Variants in FAT3 observed in about 807,000 individuals in gnomAD.
FAT3 encodes the protein FAT atypical cadherin 3.
FAT3 carries 95 observed loss-of-function variants against 310.2 expected under a neutral mutation model. The observed-to-expected ratio is 0.31, with a 90% CI of 0.26 to 0.36. The LOEUF (loss-of-function observed/expected upper bound fraction) is 0.36, where lower values mean the gene tolerates loss of function less well. FAT3 is among the 10% of genes least tolerant of loss of function. The probability of loss-of-function intolerance (pLI) is 1.00; values close to 1 mark genes in which losing one functional copy is unlikely to be tolerated. For synonymous variants in FAT3, 2,314 were observed against 2,192.9 expected (o/e 1.06, Z -1.54); for missense variants, 5,408 against 5,715.6 (o/e 0.95, Z 1.74).
chr11:92,373,862 G>T (rs1265478197), intron 2 of FAT3, among the ~76,000 whole-genome samples: 1 of 151,700 alleles, frequency 6.6e-6, no homozygotes. Context: ...TAATTAGGGG[G>T]ATTGGCTCAT....
chr11:92,363,694 C>T (rs1313114577), intron 2 of FAT3, among the ~76,000 whole-genome samples: 1 of 152,092 alleles, frequency 6.6e-6, no homozygotes, highest in East Asian at 1.9e-4. Context: ...GCATTTTGGC[C>T]CAGGCTTGCC....
At chr11:92,821,907 G>A (rs1405500816) in intron 13 of FAT3, among the ~76,000 whole-genome samples, 1 of 152,124 alleles carries the variant, frequency 6.6e-6, no homozygotes, top group Non-Finnish European at 1.5e-5. Context: ...CGATTTCTGT[G>A]TCAGAATCCT....
intron 3 of FAT3, among the ~76,000 whole-genome samples, chr11:92,675,469 G>T (rs1291718693): frequency 6.6e-6 from 1 of 152,214 alleles, no homozygotes; most frequent in Non-Finnish European, 1.5e-5. Context: ...GGGCAGATGT[G>T]TTATAGCTGA....
chr11:92,866,929 G>C lies in FAT3; in HGVS notation c.11847G>C (p.Thr3949=), dbSNP rs746259435. ...GCCGGGCGCCCCTCTACTTCCAGAC[G>C]CTGAGCACTGAGAGTAGCATCTACT... The part of the protein sequence containing the change: ...ERRRAPLYFQ[T]LSTESSIYFG... The change falls in exon 22 of 28, where the codon ACG becomes ACC. Residue 3949 remains threonine, a synonymous_variant. Transcript: ENST00000525166. 1 of 1,613,838 alleles carries C rather than the reference G, an allele frequency of 6.2e-7. No individual in the cohort carries two copies. Among genetic ancestry groups the C allele is most frequent in the South Asian group, 1.1e-5 (1 of 91,058 alleles).
intron 1 of FAT3, among the ~76,000 whole-genome samples, chr11:92,278,794 C>T (rs982735333): frequency 8.6e-5 from 13 of 152,024 alleles, no homozygotes; most frequent in African/African-American, 2.2e-4. Context: ...TCATTAGTAG[C>T]GATTAGTAAA....
intron 1 of FAT3, among the ~76,000 whole-genome samples, chr11:92,243,399 G>C (rs1864747525): frequency 6.6e-6 from 1 of 151,778 alleles, no homozygotes; most frequent in Non-Finnish European, 1.5e-5. Flanking sequence ...GGGGCTTTTG[G>C]GAAAAGTTTT....
chr11:92,356,723 A>G (rs1030134101), intron 2 of FAT3, among the ~76,000 whole-genome samples: 3 of 152,144 alleles, frequency 2.0e-5, no homozygotes, highest in Admixed American at 6.5e-5. Flanking sequence ...AGGGCTTCAG[A>G]GTATGAATTT....
chr11:92,867,062 A>G lies in FAT3; in HGVS notation c.11980A>G (p.Asn3994Asp), dbSNP rs1369532342. ...CCTGGACTCGGTGATACTGAATAAC[A>G]ATGAGCTGCCGCTGCAGAACAAGCG... is the stretch of plus-strand genomic sequence containing the variant. ...GCLDSVILNNNELPLQNKRSS... is the reference protein window; with the variant it reads ...GCLDSVILNNDELPLQNKRSS... The change falls in exon 22 of 28, where the codon AAT (asparagine) becomes GAT (aspartate). Residue 3994 changes from asparagine to aspartate, a missense_variant. Physicochemically the swap from Asn to Asp is conservative, Grantham distance 23. This residue lies in a region of FAT3 where 4,588 missense variants were observed against 4,809.8 expected (regional missense o/e 0.95). Transcript: ENST00000525166. 3 of 1,589,756 alleles carry G rather than the reference A, an allele frequency of 1.9e-6. No homozygotes were observed. Among genetic ancestry groups the G allele is most frequent in the Non-Finnish European group, 2.6e-6 (3 of 1,168,412 alleles).
rs1244846858 is a variant in FAT3 at position 92,705,755 on chromosome 11, C to T, written c.3669+8310C>T. Among the ~76,000 whole-genome samples the T allele has an allele frequency of 1.5e-3, 5 of 3,368 alleles. No individual in the cohort carries two copies. The East Asian group carries it at 0.018, about 12-fold the overall frequency. 2.2% of individuals were successfully genotyped at this position (3,368 alleles called of 152,430 possible). On this transcript the variant is annotated intron_variant, in intron 4 of 27. Coordinates refer to ENST00000525166, the MANE Select transcript of FAT3 (RefSeq NM_001367949.2). The stretch of plus-strand genomic sequence containing the variant: ...GGTGTGATGGTGGTGGGTGATGGTG[C>T]TGTGATGGTGTGATGGTGGTGGTGA...
intron 4 of FAT3, among the ~76,000 whole-genome samples, chr11:92,708,715 T>C (rs1393340848): frequency 1.3e-5 from 2 of 152,236 alleles, no homozygotes; most frequent in South Asian, 2.1e-4. Flanking sequence ...TTTAATAAGA[T>C]AGCATCTATG....
At position 92,336,965 on chromosome 11, in the gene FAT3, G is replaced by A. The variant is rs887263981; in HGVS notation, c.-17-15131G>A. On this transcript the variant is annotated intron_variant, in intron 1 of 27. Coordinates refer to ENST00000525166, the MANE Select transcript of FAT3 (RefSeq NM_001367949.2). The stretch of plus-strand genomic sequence containing the variant: ...CTGGGGCTTGGACCCTCATTTTATC[G>A]TTGCCATCCGCCAGCCTGTGTGACA... Among the ~76,000 whole-genome samples the A allele has an allele frequency of 6.6e-5, 10 of 151,976 alleles. No individual in the cohort carries two copies. The South Asian group carries it at 1.5e-3, about 22-fold the overall frequency.
At chr11:92,672,154 G>A (rs892361818) in intron 3 of FAT3, among the ~76,000 whole-genome samples, 6 of 152,016 alleles carry the variant, frequency 3.9e-5, no homozygotes, top group South Asian at 2.1e-4. Flanking sequence ...TTTAAATAAC[G>A]AATGAATGTG....
chr11:92,792,071 T>C (rs1212394193), intron 8 of FAT3, among the ~76,000 whole-genome samples: 5 of 152,238 alleles, frequency 3.3e-5, no homozygotes, highest in Non-Finnish European at 7.3e-5. Flanking sequence ...CACACACTAC[T>C]ACCACCACCA....
chr11:92,760,295 G>T (rs1371256719), intron 4 of FAT3, among the ~76,000 whole-genome samples: 1 of 152,304 alleles, frequency 6.6e-6, no homozygotes, highest in African/African-American at 2.4e-5. Context: ...AACTAAACTA[G>T]ATTGCAATTC....
chr11:92,372,240 A>G (rs768102924), intron 2 of FAT3, among the ~76,000 whole-genome samples: 3 of 152,008 alleles, frequency 2.0e-5, no homozygotes, highest in African/African-American at 7.2e-5. Context: ...TCACATTACT[A>G]TCTGTCTTTT....
intron 13 of FAT3, among the ~76,000 whole-genome samples, chr11:92,812,349 G>A (rs561155820): frequency 3.9e-5 from 6 of 152,220 alleles, no homozygotes; most frequent in South Asian, 4.2e-4. Flanking sequence ...AAGAGAGGCC[G>A]AAGTGGGCGG....
rs1419619300 is a variant in FAT3, at chr11:92,892,775, A to T, written c.*1662A>T. On this transcript the variant is annotated 3_prime_UTR_variant, in exon 28 of 28. Coordinates refer to ENST00000525166, the MANE Select transcript of FAT3 (RefSeq NM_001367949.2). ...TTCCAGAACTTACCTCTGTTTTAAA[A>T]GTGTGTAATGTTTGATTACACCCTG... 1 of 152,230 alleles carries T rather than the reference A, an allele frequency of 6.6e-6. No individual in the cohort carries two copies. The highest frequency in any genetic ancestry group is 2.4e-5 in the African/African-American group (1 of 41,464). 9.4% of individuals were successfully genotyped at this position (152,230 alleles called of 1,614,324 possible).
chr11:92,889,869 C>A lies in FAT3; in HGVS notation c.13125C>A (p.Asp4375Glu). 1.4e-6 allele frequency: 1 copy of A among 718,028 alleles called. No individual in the cohort carries two copies. Among genetic ancestry groups the A allele is most frequent in the Non-Finnish European group, 2.6e-6 (1 of 385,220 alleles). 44.5% of individuals were successfully genotyped at this position (718,028 alleles called of 1,614,324 possible). A position where few individuals can be genotyped will look rare whatever the true frequency, so the allele number is the denominator to read the frequency against. ...DTIENEVSVM[D>E]QGQNYNRAYH... The stretch of plus-strand genomic sequence containing the variant: ...GTATTTAAACAGTGTCTGTCATGGA[C>A]CAAGGACAGAACTACAACCGAGGTG... The change falls in exon 27 of 28, where the codon GAC (aspartate) becomes GAA (glutamate). Residue 4375 changes from aspartate (D) to glutamate (E), a missense_variant. Asp to Glu is a conservative substitution (Grantham distance 45, BLOSUM62 2). Coordinates refer to ENST00000525166, the MANE Select transcript of FAT3 (RefSeq NM_001367949.2).
At chr11:92,541,766 G>T (rs564947151) in intron 3 of FAT3, among the ~76,000 whole-genome samples, 13 of 152,174 alleles carry the variant, frequency 8.5e-5, no homozygotes, top group African/African-American at 2.4e-4. Context: ...ATTTTAATGC[G>T]ATTTGATATG....
Sources: allele counts gnomAD v4.1 joint callset (sites outside exome capture counted in the v4.1 genomes callset), GRCh38; gene constraint gnomAD v4.1.1; regional missense constraint gnomAD v4.1.1; transcripts MANE v1.5; gene names NCBI Gene and HGNC (gene_info 2026-07-23, HGNC 2026-07-21).